RPL19: variants seen among roughly 807,000 people sequenced by gnomAD.
The protein encoded by RPL19 is large ribosomal subunit protein eL19.
Under a neutral mutation model 25.1 loss-of-function variants are expected in RPL19, and 2 were observed. The ratio of observed to expected loss-of-function variants is 0.08; its 90% CI spans 0.03 to 0.25. The LOEUF is 0.25. Among genes scored for constraint, RPL19 ranks in the 10% least tolerant of loss-of-function variants. The probability of loss-of-function intolerance (pLI) is 1.00; values close to 1 mark genes in which losing one functional copy is unlikely to be tolerated. For synonymous variants in RPL19, 89 were observed against 91.2 expected (o/e 0.98, Z 0.14); for missense variants, 123 against 271.8 (o/e 0.45, Z 3.85).
chr17:39,200,744 GTGAT>G (rs2046280784), intron 1 of RPL19: 5 of 1,054,200 alleles, frequency 4.7e-6, no homozygotes, highest in Non-Finnish European at 5.7e-6. Context: ...GCCGAGAGAG[GTGAT>G]CTCTAACTCT....
intron 2 of RPL19, among the ~76,000 whole-genome samples, 160 bp from the exon 3 acceptor site, chr17:39,202,157 G>T (rs548982514): frequency 2.1e-4 from 32 of 152,292 alleles, no homozygotes; most frequent in Admixed American, 1.8e-3. Flanking sequence ...AAAGATAGAG[G>T]TTTTTTGGGT....
chr17:39,203,480 C>T (rs2046304600), intron 4 of RPL19, among the ~76,000 whole-genome samples: 1 of 150,044 alleles, frequency 6.7e-6, no homozygotes, highest in Non-Finnish European at 1.5e-5. Flanking sequence ...CACGCGTGGC[C>T]CACAGAGATC....
chr17:39,204,501 C>T lies in RPL19; in HGVS notation c.468-24C>T, dbSNP rs372237678. ...GCATCTCATCTCTTCCCAAACTGAC[C>T]CGTCTTTTCTCTTCCCTGACCAGTG... On this transcript the variant is annotated intron_variant, in intron 5 of 5. Transcript: ENST00000225430. 7 of 1,613,328 alleles carry T rather than the reference C, an allele frequency of 4.3e-6. No individual in the cohort carries two copies. In the South Asian group the frequency reaches 7.7e-5, roughly 18 times the overall value.
rs916068159 is a variant in RPL19, at chr17:39,203,078, T to A, written c.325T>A (p.Tyr109Asn). ...GATTTTGCGCCGGCTGCTCAGAAGA[T>A]ACCGTGAATCTAAGAAGATCGATCG... ...MRILRRLLRR[Y>N]RESKKIDRHM... is the part of the protein sequence containing the mutation. Residue 109 changes from tyrosine (Y) to asparagine (N), a missense_variant, in exon 4 of 6, where the codon TAC becomes AAC. Tyr to Asn is a moderately radical substitution (Grantham distance 143). Coordinates refer to ENST00000225430, the MANE Select transcript of RPL19 (RefSeq NM_000981.4). The A allele has an allele frequency of 6.2e-7, 1 of 1,613,650 alleles. No homozygotes were observed. The highest frequency in any genetic ancestry group is 8.5e-7 in the Non-Finnish European group (1 of 1,179,906).
At chr17:39,200,552 G>A in intron 1 of RPL19, 1 of 1,297,340 alleles carries the variant, frequency 7.7e-7, no homozygotes, top group Non-Finnish European at 9.8e-7. Context: ...CTGAGACCAG[G>A]AAAAGTCTGC....
At chr17:39,202,295 C>CA (rs1555589927) in intron 2 of RPL19, 22 bp from the exon 3 acceptor site, 7 of 1,612,508 alleles carry the variant, frequency 4.3e-6, no homozygotes, top group Non-Finnish European at 5.9e-6. Flanking sequence ...GTTGACTGAC[C>CA]AGGTGCATTA....
chr17:39,200,542 C>G lies in RPL19; in HGVS notation c.5+193C>G, dbSNP rs1207679059. On this transcript the variant is annotated intron_variant, in intron 1 of 5. Coordinates refer to ENST00000225430, the MANE Select transcript of RPL19 (RefSeq NM_000981.4). ...GGGGGGGCGGGGAGCGTCGCAGCAA[C>G]TGAGACCAGGAAAAGTCTGCCCCGG... is the stretch of plus-strand genomic sequence containing the variant. 4.6e-6 allele frequency: 6 copies of G among 1,302,230 alleles called. No homozygotes were observed. In the East Asian group the frequency reaches 1.8e-4, roughly 40 times the overall value. The allele number at this position is 1,302,230 out of a possible 1,614,324, so 80.7% of individuals were successfully genotyped here.
chr17:39,200,401 G>A (rs2046277699), intron 1 of RPL19, 52 bp downstream of exon 1: 1 of 1,520,822 alleles, frequency 6.6e-7, no homozygotes, highest in Non-Finnish European at 8.8e-7. Context: ...ACAAGGGACT[G>A]TCGGTCTTGG....
In RPL19 at chr17:39,202,666, G is replaced by A. The variant is rs150698975; in HGVS notation, c.235+227G>A. On this transcript the variant is annotated intron_variant, in intron 3 of 5. Coordinates refer to ENST00000225430, the MANE Select transcript of RPL19 (RefSeq NM_000981.4). ...AAGTCCCTACCTACACTATGCCAAG[G>A]ATTCTGTACTTTCTAGTTTCAGAAT... is the stretch of plus-strand genomic sequence containing the variant. 8.6e-4 allele frequency: 527 copies of A among 613,294 alleles called. 1 individual carries two copies. The African/African-American group carries it at 8.8e-3, about 10-fold the overall frequency. The allele number at this position is 613,294 out of a possible 1,614,324, so 38.0% of individuals were successfully genotyped here.
At chr17:39,200,666 G>C (rs2046280240) in intron 1 of RPL19, 2 of 1,136,682 alleles carry the variant, frequency 1.8e-6, no homozygotes, top group African/African-American at 1.6e-5. Context: ...TGGCACACCC[G>C]GAGCGGAGCC....
chr17:39,202,566 C>G, intron 3 of RPL19, 127 bp downstream of exon 3: 1 of 1,239,518 alleles, frequency 8.1e-7, no homozygotes, highest in Non-Finnish European at 1.1e-6. Flanking sequence ...GATGTGTTTT[C>G]TGCCTGTGTG....
In RPL19 at chr17:39,200,770, A is replaced by T. The variant is rs59559861; in HGVS notation, c.5+421A>T. On this transcript the variant is annotated intron_variant, in intron 1 of 5. Transcript: ENST00000225430. Reference sequence around the variant, plus strand: ...TGATCTCTAACTCTTGACTCCATTCACTCCTTTGGCCTCTCATAAAGGAAA... The same window carrying T: ...TGATCTCTAACTCTTGACTCCATTCTCTCCTTTGGCCTCTCATAAAGGAAA... 3.6e-3 allele frequency: 3,745 copies of T among 1,044,606 alleles called. 97 individuals carry two copies. In the African/African-American group the frequency reaches 0.057, roughly 16 times the overall value. The allele number at this position is 1,044,606 out of a possible 1,614,324, so 64.7% of individuals were successfully genotyped here.
At chr17:39,203,139 A>G (rs756855506) in intron 4 of RPL19, 30 bp downstream of exon 4, 17 of 1,468,056 alleles carry the variant, frequency 1.2e-5, no homozygotes, top group Non-Finnish European at 1.6e-5. Flanking sequence ...CCCAGTACCC[A>G]TTTGCTGCTT....
In RPL19 at chr17:39,203,117, C is replaced by A; in HGVS notation, c.356+8C>A. 1.2e-6 allele frequency: 2 copies of A among 1,612,258 alleles called. No homozygotes were observed. The highest frequency in any genetic ancestry group is 2.2e-5 in the East Asian group (1 of 44,746). On this transcript the variant is annotated splice_region_variant and intron_variant, in intron 4 of 5. Transcript: ENST00000225430. ...GAAGATCGATCGCCACATGTAAGCA[C>A]ACCCTCTTGGGCCCAGTACCCATTT...
chr17:39,204,264 A>T (rs1308487466), intron 5 of RPL19, 77 bp downstream of exon 5: 1 of 989,452 alleles, frequency 1.0e-6, no homozygotes, highest in Non-Finnish European at 1.6e-6. Context: ...AAATGTGCCA[A>T]TGCCTAAGTC....
intron 2 of RPL19, among the ~76,000 whole-genome samples, chr17:39,201,918 T>C (rs2046293413): frequency 6.6e-6 from 1 of 152,074 alleles, no homozygotes; most frequent in South Asian, 2.1e-4. Context: ...AGAGTGTCTA[T>C]AAAATGGAGG....
Position 39,203,053 on chromosome 17 carries a change from G to A in RPL19, c.300G>A (p.Arg100=), listed in dbSNP as rs768890357. Residue 100 remains arginine, a synonymous_variant, in exon 4 of 6, where the codon AGG becomes AGA. Transcript: ENST00000225430. The part of the protein sequence containing the change: ...PEKVTWMRRM[R]ILRRLLRRYR... The stretch of plus-strand genomic sequence containing the variant: ...AGGTCACATGGATGAGGAGAATGAG[G>A]ATTTTGCGCCGGCTGCTCAGAAGAT... The A allele has an allele frequency of 1.1e-5, 17 of 1,613,846 alleles. No individual in the cohort carries two copies. The highest frequency in any genetic ancestry group is 1.4e-5 in the Non-Finnish European group (17 of 1,179,958).
intron 2 of RPL19, 23 bp from the exon 3 acceptor site, chr17:39,202,293 AC>A: frequency 6.2e-7 from 1 of 1,612,516 alleles, no homozygotes; most frequent in Non-Finnish European, 8.5e-7. Context: ...CAGTTGACTG[AC>A]CAGGTGCATT....
intron 2 of RPL19, 81 bp downstream of exon 2, chr17:39,201,400 CT>C (rs111516501): frequency 0.17 from 100,116 of 595,602 alleles, 218 homozygotes; most frequent in South Asian, 0.19. Context: ...ATTGTGTTGA[CT>C]TTTTTTTTTT....
Sources: allele counts gnomAD v4.1 joint callset (sites outside exome capture counted in the v4.1 genomes callset), GRCh38; gene constraint gnomAD v4.1.1; transcripts MANE v1.5; gene names NCBI Gene and HGNC (gene_info 2026-07-23, HGNC 2026-07-21).